UNK: variants seen among roughly 807,000 people sequenced by gnomAD.
UNK encodes the protein unk zinc finger.
A neutral mutation model predicts 97.6 loss-of-function variants in UNK; 32 were observed. That is an observed-to-expected ratio of 0.33 (90% CI 0.25 to 0.44). The LOEUF (loss-of-function observed/expected upper bound fraction) is 0.44, where lower values mean the gene tolerates loss of function less well. Ranked by LOEUF, UNK falls within the 20% of genes least tolerant of loss-of-function variation. The pLI, the probability that UNK is intolerant of heterozygous loss-of-function variation, is 1.00. For missense variants in UNK, 771 were observed against 1,098.4 expected, an observed-to-expected ratio of 0.70 and a Z score of 4.21; for synonymous variants, 441 against 461.2, an observed-to-expected ratio of 0.96 and a Z score of 0.56.
intron 1 of UNK, among the ~76,000 whole-genome samples, chr17:75,801,266 G>A (rs1380737795): frequency 2.0e-5 from 3 of 152,120 alleles, no homozygotes; most frequent in Non-Finnish European, 2.9e-5. Flanking sequence ...AAGAAGAGAG[G>A]AAGAGAAAAA....
At chr17:75,790,749 G>A (rs2061756662) in intron 1 of UNK, among the ~76,000 whole-genome samples, 2 of 151,958 alleles carry the variant, frequency 1.3e-5, no homozygotes, top group Admixed American at 6.6e-5. Flanking sequence ...TGGCCATCAC[G>A]GCAAGACTCC....
intron 1 of UNK, among the ~76,000 whole-genome samples, chr17:75,795,797 G>A (rs1025883927): frequency 1.3e-5 from 2 of 152,196 alleles, no homozygotes; most frequent in African/African-American, 4.8e-5. Context: ...AGGGCAAGGG[G>A]ACAGTTATAG....
chr17:75,805,956 T>C (rs540140755), intron 1 of UNK, among the ~76,000 whole-genome samples: 1 of 151,420 alleles, frequency 6.6e-6, no homozygotes, highest in South Asian at 2.1e-4. Context: ...CAAAAAGAAA[T>C]CTAAAGTCCG....
At chr17:75,811,954 C>A (rs902662537) in intron 2 of UNK, among the ~76,000 whole-genome samples, 158 bp from the exon 3 acceptor site, 1 of 152,136 alleles carries the variant, frequency 6.6e-6, no homozygotes, top group Non-Finnish European at 1.5e-5. Flanking sequence ...CCGCTGCACT[C>A]CAGCCTGGCG....
chr17:75,792,279 T>TTTTTTG, intron 1 of UNK: 2 of 981,004 alleles, frequency 2.0e-6, no homozygotes, highest in Non-Finnish European at 2.4e-6. Context: ...ATGATTAAGT[T>TTTTTTG]TTTTTGTTTT....
intron 1 of UNK, among the ~76,000 whole-genome samples, chr17:75,795,604 G>A (rs1054028630): frequency 1.3e-5 from 2 of 152,122 alleles, no homozygotes; most frequent in African/African-American, 4.8e-5. Flanking sequence ...CCTCTCAAAA[G>A]TGCTGAGATT....
rs551251726 is a variant in UNK at position 75,819,460 on chromosome 17, A to AG, written c.1547-223dup. The AG allele has an allele frequency of 1.3e-3, 760 of 576,894 alleles. 1 individual carries two copies. Among genetic ancestry groups the AG allele is most frequent in the Non-Finnish European group, 2.0e-3 (658 of 322,866 alleles). 35.7% of individuals were successfully genotyped at this position (576,894 alleles called of 1,614,324 possible). A position where few individuals can be genotyped will look rare whatever the true frequency, so the allele number is the denominator to read the frequency against. On this transcript the variant is annotated intron_variant, in intron 11 of 15. Coordinates refer to ENST00000589666, the MANE Select transcript of UNK (RefSeq NM_001080419.3). This position sits in a 1 kb window ranked among gnomAD's most constrained non-coding sequence, Gnocchi z 5.4. The stretch of plus-strand genomic sequence containing the variant: ...TGATTTCTCCTGGAAGTATCAAAGA[A>AG]GATTCAGAAAGGAGAGGCATTTGGG...
In UNK at chr17:75,822,575, G is replaced by A. The variant is rs1404938828; in HGVS notation, c.1936G>A (p.Glu646Lys). 9 of 1,613,420 alleles carry A rather than the reference G, an allele frequency of 5.6e-6. No homozygotes were observed. The highest frequency in any genetic ancestry group is 4.0e-5 in the African/African-American group (3 of 74,936). Residue 646 changes from glutamate to lysine, a missense_variant, in exon 14 of 16, where the codon GAG becomes AAG. Coordinates refer to ENST00000589666, the MANE Select transcript of UNK (RefSeq NM_001080419.3). Reference sequence around the variant, plus strand: ...TTTCCTATCAGGGCCAGGGGCTGCCGAGCTGGCCCGACTTCGGCAAGAGCT... The same window carrying A: ...TTTCCTATCAGGGCCAGGGGCTGCCAAGCTGGCCCGACTTCGGCAAGAGCT... ...PAFLSGPGAA[E>K]LARLRQELDE...
At chr17:75,792,358 TTC>T in intron 1 of UNK, 3 of 985,434 alleles carry the variant, frequency 3.0e-6, no homozygotes, top group Non-Finnish European at 3.6e-6. Flanking sequence ...CGTATGCATC[TTC>T]TCTGTTTTGA....
At chr17:75,805,339 A>C (rs2061902099) in intron 1 of UNK, among the ~76,000 whole-genome samples, 1 of 146,268 alleles carries the variant, frequency 6.8e-6, no homozygotes, top group South Asian at 2.3e-4. Flanking sequence ...TTGAGGCTGC[A>C]GTGAGCTATT....
At chr17:75,822,931 C>G (rs1057429328) in intron 14 of UNK, among the ~76,000 whole-genome samples, 3 of 152,226 alleles carry the variant, frequency 2.0e-5, no homozygotes, top group Admixed American at 2.0e-4. Flanking sequence ...CCTCGCCTCT[C>G]CAGGGTTTCA....
At chr17:75,787,860 T>C (rs1041239651) in intron 1 of UNK, among the ~76,000 whole-genome samples, 4 of 151,228 alleles carry the variant, frequency 2.6e-5, no homozygotes, top group Admixed American at 6.6e-5. Context: ...TCTCTCTGTG[T>C]TAACCAGGTG....
Position 75,798,693 on chromosome 17 carries a change from G to C in UNK, c.105-11067G>C, listed in dbSNP as rs188278541. 8.4e-4 allele frequency among the ~76,000 whole-genome samples: 128 copies of C among 151,928 alleles called. 1 individual carries two copies. The Middle Eastern group carries it at 0.02, about 24-fold the overall frequency. On this transcript the variant is annotated intron_variant, in intron 1 of 15. Transcript: ENST00000589666. The stretch of plus-strand genomic sequence containing the variant: ...TCATCATGATACCCATTGGTTGTTG[G>C]AGGAAATAGAAACAGGAATTAATCT...
chr17:75,796,850 T>C (rs1283959663), intron 1 of UNK, among the ~76,000 whole-genome samples: 6 of 152,236 alleles, frequency 3.9e-5, no homozygotes, highest in Admixed American at 6.5e-5. Context: ...AACCCATGGC[T>C]CATATGCTCT....
intron 1 of UNK, among the ~76,000 whole-genome samples, chr17:75,789,073 A>T (rs2061739307): frequency 6.6e-6 from 1 of 152,152 alleles, no homozygotes; most frequent in South Asian, 2.1e-4. Flanking sequence ...AACCAAGAGG[A>T]TTATTCATAA....
Position 75,818,997 on chromosome 17 carries a change from C to T in UNK, c.1546+181C>T. ...GGGAAATGACCCCAAGGTGTAGGGC[C>T]AGGACTGACCCTTAGAGCTCCTTTG... is the stretch of plus-strand genomic sequence containing the variant. On this transcript the variant is annotated intron_variant, in intron 11 of 15. Coordinates refer to ENST00000589666, the MANE Select transcript of UNK (RefSeq NM_001080419.3). The surrounding 1 kb of genome is among the most constrained non-coding windows in gnomAD (Gnocchi z 5.1). 1.5e-6 allele frequency: 1 copy of T among 671,324 alleles called. No homozygotes were observed. The highest frequency in any genetic ancestry group is 2.3e-6 in the Non-Finnish European group (1 of 426,316). 41.6% of individuals were successfully genotyped at this position (671,324 alleles called of 1,614,324 possible). A position where few individuals can be genotyped will look rare whatever the true frequency, so the allele number is the denominator to read the frequency against.
chr17:75,816,435 A>G lies in UNK; in HGVS notation c.962-335A>G, dbSNP rs2062016454. 6.6e-6 allele frequency among the ~76,000 whole-genome samples: 1 copy of G among 152,206 alleles called. No homozygotes were observed. The highest frequency in any genetic ancestry group is 1.5e-5 in the Non-Finnish European group (1 of 68,026). ...GAAGTGATTCAGGCTTTGGAGTTGTACAGATCAGCGTTCAAGACCCAGCTC... is the reference window on the plus strand; with the variant it reads ...GAAGTGATTCAGGCTTTGGAGTTGTGCAGATCAGCGTTCAAGACCCAGCTC... On this transcript the variant is annotated intron_variant, in intron 7 of 15. Coordinates refer to ENST00000589666, the MANE Select transcript of UNK (RefSeq NM_001080419.3). The surrounding 1 kb of genome is among the most constrained non-coding windows in gnomAD (Gnocchi z 4.0).
intron 1 of UNK, among the ~76,000 whole-genome samples, chr17:75,799,435 A>G (rs1281145558): frequency 2.6e-5 from 4 of 152,234 alleles, no homozygotes; most frequent in Non-Finnish European, 2.9e-5. Context: ...AACAAAGCTG[A>G]GCAGACGTGA....
In UNK at chr17:75,817,885, A is replaced by G. The variant is rs538296480; in HGVS notation, c.1306-218A>G. 5.9e-5 allele frequency among the ~76,000 whole-genome samples: 9 copies of G among 152,032 alleles called. No individual in the cohort carries two copies. Among genetic ancestry groups the G allele is most frequent in the Admixed American group, 4.6e-4 (7 of 15,278 alleles). On this transcript the variant is annotated intron_variant, in intron 9 of 15. Coordinates refer to ENST00000589666, the MANE Select transcript of UNK (RefSeq NM_001080419.3). This position sits in a 1 kb window ranked among gnomAD's most constrained non-coding sequence, Gnocchi z 5.8. ...CTGGAGAGATACCTTCTGGGCTTAC[A>G]TGAGGCCTAGTGTCACCGGGAGGAG... is the stretch of plus-strand genomic sequence containing the variant.
Sources: gnomAD v4.1 joint callset for allele counts (sites outside exome capture counted in the v4.1 genomes callset) on GRCh38, gnomAD v4.1.1 for gene constraint, Gnocchi (gnomAD v3.1) non-coding constraint, MANE v1.5 for transcripts, NCBI Gene and HGNC (gene_info 2026-07-23, HGNC 2026-07-21) for gene names.